The following MTUS2 variants were observed in gnomAD, a reference collection of about 807,000 sequenced individuals.
The protein encoded by MTUS2 is microtubule-associated tumor suppressor candidate 2.
MTUS2 carries 40 observed loss-of-function variants against 114.1 expected under a neutral mutation model. The ratio of observed to expected loss-of-function variants is 0.35; its 90% CI spans 0.27 to 0.46. The LOEUF (loss-of-function observed/expected upper bound fraction) is 0.46. Among genes scored for constraint, MTUS2 ranks in the 20% least tolerant of loss-of-function variants. The pLI, the probability that MTUS2 is intolerant of heterozygous loss-of-function variation, is 1.00. For synonymous variants in MTUS2, 688 were observed against 672.0 expected (o/e 1.02, Z -0.37); for missense variants, 1,679 against 1,705.4 (o/e 0.98, Z 0.27).
At chr13:28,940,576 A>T (rs1377224699) in intron 2 of MTUS2, among the ~76,000 whole-genome samples, 1 of 152,178 alleles carries the variant, frequency 6.6e-6, no homozygotes, top group Non-Finnish European at 1.5e-5. Flanking sequence ...AATAAGATGG[A>T]GAATTGGACT....
At chr13:28,984,472 C>T (rs1276293110) in intron 2 of MTUS2, among the ~76,000 whole-genome samples, 1 of 152,166 alleles carries the variant, frequency 6.6e-6, no homozygotes, top group South Asian at 2.1e-4. Context: ...AGTGCTTCTA[C>T]CTCCTGGTCC....
At chr13:29,244,920 C>G (rs928543839) in intron 5 of MTUS2, among the ~76,000 whole-genome samples, 25 of 133,232 alleles carry the variant, frequency 1.9e-4, no homozygotes, top group African/African-American at 7.3e-4. Context: ...CCCGCCACTG[C>G]ACTCCAGCCT....
chr13:29,121,142 A>G (rs913850674), intron 5 of MTUS2, among the ~76,000 whole-genome samples: 3 of 152,220 alleles, frequency 2.0e-5, no homozygotes, highest in Non-Finnish European at 2.9e-5. Flanking sequence ...TGGGACAGCT[A>G]TAAGAAATAA....
intron 7 of MTUS2, among the ~76,000 whole-genome samples, chr13:29,334,187 G>C (rs539697105): frequency 6.6e-6 from 1 of 151,888 alleles, no homozygotes; most frequent in Non-Finnish European, 1.5e-5. Flanking sequence ...TTTTAACTGG[G>C]GCATTTAGCC....
chr13:29,230,637 A>G (rs1238566270), intron 5 of MTUS2, among the ~76,000 whole-genome samples: 2 of 152,230 alleles, frequency 1.3e-5, no homozygotes, highest in African/African-American at 4.8e-5. Flanking sequence ...ACATGTGATA[A>G]TGAGAAATGT....
chr13:29,297,723 G>A lies in MTUS2; in HGVS notation c.2806+15858G>A, dbSNP rs746926237. ...CCTCTTAGGGGTTTCAGATGCAGGC[G>A]AAGAGCTAATGCCCTGTCCTAAACA... On this transcript the variant is annotated intron_variant, in intron 6 of 15. Transcript: ENST00000612955. Among the ~76,000 whole-genome samples the A allele has an allele frequency of 9.2e-5, 14 of 152,262 alleles. 1 individual carries two copies. The highest frequency in any genetic ancestry group is 3.9e-4 in the East Asian group (2 of 5,182).
chr13:29,324,161 T>C (rs974016575), intron 6 of MTUS2, among the ~76,000 whole-genome samples: 3 of 152,220 alleles, frequency 2.0e-5, no homozygotes, highest in Admixed American at 2.0e-4. Context: ...AGTCAGACCA[T>C]GTCCCCCGTG....
Position 29,148,671 on chromosome 13 carries a change from G to T in MTUS2, c.2644+47701G>T, listed in dbSNP as rs1222131994. ...TTTTTTGTATTTTTAGTAGAGACGGGGTTTCACCGTTTTAGCCGGGATGGT... is the reference window on the plus strand; with the variant it reads ...TTTTTTGTATTTTTAGTAGAGACGGTGTTTCACCGTTTTAGCCGGGATGGT... On this transcript the variant is annotated intron_variant, in intron 5 of 15. Transcript: ENST00000612955. 1.1e-4 allele frequency among the ~76,000 whole-genome samples: 10 copies of T among 87,506 alleles called. 2 individuals are homozygous for T. Among genetic ancestry groups the T allele is most frequent in the Admixed American group, 4.0e-4 (3 of 7,506 alleles). 57.4% of individuals were successfully genotyped at this position (87,506 alleles called of 152,430 possible).
intron 5 of MTUS2, among the ~76,000 whole-genome samples, chr13:29,230,762 G>A (rs779805254): frequency 6.6e-6 from 1 of 152,152 alleles, no homozygotes; most frequent in Non-Finnish European, 1.5e-5. Context: ...TATTTCTGGA[G>A]ACTGATTTCA....
chr13:28,992,082 T>C (rs531429626), intron 2 of MTUS2, among the ~76,000 whole-genome samples: 13 of 152,144 alleles, frequency 8.5e-5, no homozygotes, highest in Admixed American at 1.3e-4. Context: ...TTTGGGGGAC[T>C]CTCTCAATCT....
chr13:28,959,166 A>C (rs566086566), intron 2 of MTUS2, among the ~76,000 whole-genome samples: 1 of 152,244 alleles, frequency 6.6e-6, no homozygotes, highest in Non-Finnish European at 1.5e-5. Context: ...TTCTCTAGCC[A>C]GAAGACCAGG....
intron 5 of MTUS2, among the ~76,000 whole-genome samples, chr13:29,255,211 G>A (rs951589636): frequency 2.6e-5 from 4 of 152,200 alleles, no homozygotes; most frequent in Non-Finnish European, 5.9e-5. Context: ...CAGCTCTCGT[G>A]TTCTGAGCAG....
At chr13:29,253,079 C>CT (rs34996681) in intron 5 of MTUS2, among the ~76,000 whole-genome samples, 57,866 of 144,942 alleles carry the variant, frequency 0.4, 12,623 homozygotes, top group African/African-American at 0.6. Flanking sequence ...CATTTTTGGC[C>CT]TTTTTTTTTT....
At chr13:29,251,943 A>G (rs1420122552) in intron 5 of MTUS2, among the ~76,000 whole-genome samples, 2 of 152,202 alleles carry the variant, frequency 1.3e-5, no homozygotes, top group Non-Finnish European at 2.9e-5. Flanking sequence ...TTCTTTGAGT[A>G]TATACCTAGG....
chr13:29,501,252 C>A (rs923761938), intron 15 of MTUS2, 58 bp downstream of exon 15: 3 of 1,321,682 alleles, frequency 2.3e-6, no homozygotes, highest in Non-Finnish European at 3.3e-6. Context: ...CTTTTTGTTG[C>A]AACATCCAGT....
intron 8 of MTUS2, among the ~76,000 whole-genome samples, chr13:29,425,337 C>T (rs556820178): frequency 5.9e-5 from 9 of 152,152 alleles, no homozygotes; most frequent in Non-Finnish European, 1.0e-4. Flanking sequence ...ACCTGGGAGG[C>T]GGAGTTTGCA....
chr13:28,954,743 GGA>G (rs1882977419), intron 2 of MTUS2, among the ~76,000 whole-genome samples: 1 of 152,190 alleles, frequency 6.6e-6, no homozygotes, highest in Admixed American at 6.5e-5. Context: ...GGATATGTGA[GGA>G]GAGAGGGGAA....
Position 29,487,989 on chromosome 13 carries a change from C to T in MTUS2, c.3489C>T (p.His1163=), listed in dbSNP as rs200798337. The change falls in exon 11 of 16, where the codon CAC becomes CAT. Residue 1163 remains histidine, a synonymous_variant. Coordinates refer to ENST00000612955, the MANE Select transcript of MTUS2 (RefSeq NM_001033602.4). Reference sequence around the variant, plus strand: ...CCATCACAATCCTGCAGGATGACCACGACCACAAAGTCCAAGGTAGCTCCC... The same window carrying T: ...CCATCACAATCCTGCAGGATGACCATGACCACAAAGTCCAAGGTAGCTCCC... ...TVAITILQDD[H]DHKVQELMST... 17 of 1,613,840 alleles carry T rather than the reference C, an allele frequency of 1.1e-5. No homozygotes were observed. Among genetic ancestry groups the T allele is most frequent in the East Asian group, 4.5e-5 (2 of 44,888 alleles).
At chr13:29,273,841 G>A (rs969948368) in intron 5 of MTUS2, among the ~76,000 whole-genome samples, 12 of 152,074 alleles carry the variant, frequency 7.9e-5, no homozygotes, top group African/African-American at 2.2e-4. Context: ...TATATAGCAT[G>A]TATCATTACT....
Sources: gnomAD v4.1 joint callset for allele counts (sites outside exome capture counted in the v4.1 genomes callset) on GRCh38, gnomAD v4.1.1 for gene constraint, MANE v1.5 for transcripts, NCBI Gene and HGNC (gene_info 2026-07-23, HGNC 2026-07-21) for gene names.